The following CLASP2 variants were observed in gnomAD, a reference collection of about 807,000 sequenced individuals.
The protein encoded by CLASP2 is CLIP-associating protein 2.
A neutral mutation model predicts 194.4 loss-of-function variants in CLASP2; 47 were observed. That is an observed-to-expected ratio of 0.24 (90% CI 0.19 to 0.31). The LOEUF is 0.31. Ranked by LOEUF, CLASP2 falls within the 10% of genes least tolerant of loss-of-function variation. CLASP2 has a pLI of 1.00. For synonymous variants in CLASP2, 619 were observed against 633.5 expected (o/e 0.98, Z 0.34); for missense variants, 1,445 against 1,823.6 (o/e 0.79, Z 3.78).
chr3:33,579,302 A>G (rs748018543), intron 23 of CLASP2, among the ~76,000 whole-genome samples: 9 of 152,332 alleles, frequency 5.9e-5, no homozygotes, highest in East Asian at 3.9e-4. Flanking sequence ...ATGAACTAGA[A>G]TATTAATGAC....
At chr3:33,573,583 T>G in intron 24 of CLASP2, 1 of 565,346 alleles carries the variant, frequency 1.8e-6, no homozygotes, top group Non-Finnish European at 3.2e-6. Context: ...AGAAGCAGAG[T>G]AAGACTATAT....
At chr3:33,663,632 C>G (rs1430371005) in intron 6 of CLASP2, 117 bp from the exon 7 acceptor site, 10 of 661,262 alleles carry the variant, frequency 1.5e-5, no homozygotes, top group Non-Finnish European at 2.6e-5. Flanking sequence ...AGCTAGTTTT[C>G]TATACAACTC....
intron 37 of CLASP2, 95 bp downstream of exon 37, chr3:33,510,463 G>C (rs779836333): frequency 1.8e-6 from 2 of 1,130,376 alleles, no homozygotes; most frequent in South Asian, 1.4e-5. Context: ...CGGGAGGAAG[G>C]CTTGATCATG....
At chr3:33,562,928 T>C (rs1357401761) in intron 27 of CLASP2, among the ~76,000 whole-genome samples, 1 of 152,216 alleles carries the variant, frequency 6.6e-6, no homozygotes, top group Non-Finnish European at 1.5e-5. Context: ...TGACCTAACT[T>C]ATCTTCATTA....
chr3:33,670,129 C>T (rs1039721675), intron 6 of CLASP2, among the ~76,000 whole-genome samples: 8 of 151,976 alleles, frequency 5.3e-5, no homozygotes, highest in African/African-American at 1.9e-4. Context: ...TACACACACA[C>T]ACGTAAAAAA....
At chr3:33,550,392 C>CAAAAAAAA (rs555351261) in intron 30 of CLASP2, among the ~76,000 whole-genome samples, 1 of 51,666 alleles carries the variant, frequency 1.9e-5, no homozygotes, top group Non-Finnish European at 3.8e-5. Context: ...GAGACTGCCT[C>CAAAAAAAA]AAAAAAAAAA....
At chr3:33,506,462 A>C (rs2048255080) in intron 37 of CLASP2, among the ~76,000 whole-genome samples, 1 of 151,776 alleles carries the variant, frequency 6.6e-6, no homozygotes, top group African/African-American at 2.4e-5. Flanking sequence ...TATTATTCTA[A>C]AGTACTGAAA....
At chr3:33,712,700 C>G (rs1040988726) in intron 1 of CLASP2, among the ~76,000 whole-genome samples, 2 of 152,050 alleles carry the variant, frequency 1.3e-5, no homozygotes, top group African/African-American at 2.4e-5. Flanking sequence ...CGGTGGTTCA[C>G]GCCTGTAATC....
chr3:33,646,612 G>C (rs1030587634), intron 7 of CLASP2, among the ~76,000 whole-genome samples: 2 of 152,004 alleles, frequency 1.3e-5, no homozygotes, highest in African/African-American at 4.8e-5. Flanking sequence ...CATGGAAACA[G>C]TATTCTGTTC....
intron 32 of CLASP2, among the ~76,000 whole-genome samples, chr3:33,540,774 C>CTTT (rs34362342): frequency 5.1e-5 from 7 of 138,570 alleles, no homozygotes; most frequent in East Asian, 4.2e-4. Context: ...AATACCAACT[C>CTTT]TTTTTTTTTT....
chr3:33,549,814 T>C (rs1046960147), intron 30 of CLASP2, among the ~76,000 whole-genome samples: 3 of 151,672 alleles, frequency 2.0e-5, no homozygotes, highest in Non-Finnish European at 2.9e-5. Flanking sequence ...TCTTGTCTCA[T>C]TGCATCCTCG....
chr3:33,712,021 C>T (rs1339800743), intron 1 of CLASP2, among the ~76,000 whole-genome samples: 1 of 152,076 alleles, frequency 6.6e-6, no homozygotes, highest in Non-Finnish European at 1.5e-5. Context: ...GGGTATCTAT[C>T]CAAAGGAAAA....
In CLASP2 at chr3:33,627,094, T is replaced by C. The variant is rs778548025; in HGVS notation, c.943-14A>G. The C allele has an allele frequency of 4.3e-6, 6 of 1,383,604 alleles. No homozygotes were observed. In the South Asian group the frequency reaches 5.1e-5, roughly 12 times the overall value. The allele number at this position is 1,383,604 out of a possible 1,614,324, so 85.7% of individuals were successfully genotyped here. A position where few individuals can be genotyped will look rare whatever the true frequency, so the allele number is the denominator to read the frequency against. On this transcript the variant is annotated splice_polypyrimidine_tract_variant and intron_variant, in intron 9 of 38. Transcript: ENST00000682230. ...ACTAGAATAAATCTTAAAAAAAAGA[T>C]TCAGAATTATAACAATGTTTCTTGC...
intron 1 of CLASP2, among the ~76,000 whole-genome samples, chr3:33,712,321 A>C (rs1458205412): frequency 6.6e-6 from 1 of 152,200 alleles, no homozygotes; most frequent in African/African-American, 2.4e-5. Context: ...TCAAAGGCAT[A>C]AGAATGATAA....
intron 34 of CLASP2, among the ~76,000 whole-genome samples, chr3:33,522,447 G>GA (rs1056073242): frequency 2.0e-4 from 31 of 152,220 alleles, no homozygotes; most frequent in African/African-American, 6.5e-4. Flanking sequence ...GGTATTGAGA[G>GA]AATCTGATTT....
chr3:33,659,354 G>T, intron 7 of CLASP2: 2 of 1,085,092 alleles, frequency 1.8e-6, no homozygotes, highest in Non-Finnish European at 2.2e-6. Context: ...CCCGCTGGGG[G>T]ACTTTTAATG....
chr3:33,690,944 A>G (rs1575614272), intron 2 of CLASP2, among the ~76,000 whole-genome samples: 2 of 151,976 alleles, frequency 1.3e-5, no homozygotes, highest in African/African-American at 4.8e-5. Context: ...GGTGGGGAGG[A>G]TGGTTTTGGG....
chr3:33,708,654 T>G (rs1439956568), intron 1 of CLASP2, among the ~76,000 whole-genome samples: 1 of 151,756 alleles, frequency 6.6e-6, no homozygotes, highest in Non-Finnish European at 1.5e-5. Flanking sequence ...TTGTGAATAA[T>G]GGTGCAATGA....
At chr3:33,708,563 CAT>C (rs1559704292) in intron 1 of CLASP2, among the ~76,000 whole-genome samples, 15 of 120,900 alleles carry the variant, frequency 1.2e-4, no homozygotes, top group African/African-American at 4.3e-4. Context: ...TATATATATA[CAT>C]ACACACACAC....
Sources: allele counts gnomAD v4.1 joint callset (sites outside exome capture counted in the v4.1 genomes callset), GRCh38; gene constraint gnomAD v4.1.1; transcripts MANE v1.5; gene names NCBI Gene and HGNC (gene_info 2026-07-23, HGNC 2026-07-21).